The following EDA2R variants were observed in gnomAD, a reference collection of about 807,000 sequenced individuals.
EDA2R encodes the protein tumor necrosis factor receptor superfamily member 27.
A neutral mutation model predicts 20.1 loss-of-function variants in EDA2R; 26 were observed. That is an observed-to-expected ratio of 1.30 (90% CI 0.95 to 1.80). EDA2R has a LOEUF of 1.80. Among genes scored for constraint, EDA2R ranks in the 40% most tolerant of loss-of-function variants. The pLI is 0.00. For missense variants in EDA2R, 277 were observed against 228.7 expected (o/e 1.21, Z -1.36); for synonymous variants, 114 against 88.7 (o/e 1.29, Z -1.60).
intron 2 of EDA2R, among the ~76,000 whole-genome samples, chrX:66,612,967 C>G (rs1314344171): frequency 9.0e-6 from 1 of 111,044 alleles, no homozygotes; most frequent in African/African-American, 3.3e-5. Context: ...CATTGATATT[C>G]TTGATTTTGC....
In EDA2R at chrX:66,615,407, T is replaced by C. The variant is rs1028757180; in HGVS notation, c.87+527A>G. 2.7e-4 allele frequency among the ~76,000 whole-genome samples: 30 copies of C among 111,972 alleles called. 1 individual carries two copies. The highest frequency in any genetic ancestry group is 2.8e-4 in the Admixed American group (3 of 10,582). On this transcript the variant is annotated intron_variant, in intron 2 of 6. Transcript: ENST00000374719. Reference sequence around the variant, plus strand: ...CCTGAGGAAAGAACAATTAAGCAGATCCAGGCTTGAAACAAGTAAGTTACA... The same window carrying C: ...CCTGAGGAAAGAACAATTAAGCAGACCCAGGCTTGAAACAAGTAAGTTACA...
chrX:66,627,694 A>G (rs1410364637), intron 1 of EDA2R, among the ~76,000 whole-genome samples: 1 of 112,256 alleles, frequency 8.9e-6, no homozygotes, highest in Non-Finnish European at 1.9e-5. Context: ...GCGAACTTCA[A>G]TATTCTACTG....
intron 2 of EDA2R, among the ~76,000 whole-genome samples, chrX:66,613,141 G>T (rs1361540438): frequency 2.7e-5 from 3 of 111,283 alleles, no homozygotes; most frequent in Admixed American, 1.9e-4. Flanking sequence ...TAAATTTTAG[G>T]AATTTATTAA....
Position 66,599,746 on chromosome X carries a change from G to T in EDA2R, c.632C>A (p.Thr211Asn), listed in dbSNP as rs771310911. Residue 211 changes from threonine to asparagine, a missense_variant, in exon 6 of 7, where the codon ACC becomes AAC. By Grantham distance (65) the Thr-to-Asn change is moderately conservative. Coordinates refer to ENST00000374719, the MANE Select transcript of EDA2R (RefSeq NM_021783.5). ...CTCGAGGATAGGGTTAAGTGGCTGGGTCTGAAAGATGTTCTCACTCACTTG... is the reference window on the plus strand; with the variant it reads ...CTCGAGGATAGGGTTAAGTGGCTGGTTCTGAAAGATGTTCTCACTCACTTG... ...ESQVSENIFQ[T>N]QPLNPILEDD... 9 of 1,208,302 alleles carry T rather than the reference G, an allele frequency of 7.4e-6. No individual in the cohort carries two copies. The East Asian group carries it at 2.7e-4, about 36-fold the overall frequency.
At chrX:66,639,108 C>T (rs1251241003), upstream of EDA2R, 3 of 88,510 alleles carry the variant, frequency 3.4e-5, no homozygotes, top group East Asian at 7.6e-4. Context: ...CCGCCCTTCA[C>T]CCCGCGCCCC....
intron 2 of EDA2R, among the ~76,000 whole-genome samples, chrX:66,614,548 C>G (rs914337137): frequency 8.9e-6 from 1 of 112,070 alleles, no homozygotes; most frequent in African/African-American, 3.2e-5. Flanking sequence ...TAATGTCCAG[C>G]ATGACCTTAC....
chrX:66,604,334 T>G, intron 4 of EDA2R, 87 bp downstream of exon 4: 3 of 815,477 alleles, frequency 3.7e-6, no homozygotes, highest in Non-Finnish European at 5.3e-6. Flanking sequence ...TGAAAAGGTA[T>G]GAGGGGATAT....
intron 1 of EDA2R, among the ~76,000 whole-genome samples, chrX:66,633,279 T>C (rs950906046): frequency 8.9e-6 from 1 of 111,998 alleles, no homozygotes; most frequent in African/African-American, 3.2e-5. Flanking sequence ...TTGGTTAGTG[T>C]TTGGCAACTG....
chrX:66,628,500 G>A (rs1354360194), intron 1 of EDA2R, among the ~76,000 whole-genome samples: 1 of 110,837 alleles, frequency 9.0e-6, no homozygotes, highest in African/African-American at 3.3e-5. Flanking sequence ...GAAACAAAAT[G>A]GGAGACATTA....
chrX:66,605,595 C>A (rs1929531306), intron 2 of EDA2R, among the ~76,000 whole-genome samples: 2 of 111,936 alleles, frequency 1.8e-5, no homozygotes, highest in Non-Finnish European at 3.8e-5. Flanking sequence ...ACATCATCCT[C>A]AATGGGGTAC....
rs930808121 is a variant in EDA2R, at chrX:66,601,129, C to G, written c.518-1269G>C. 8.0e-5 allele frequency among the ~76,000 whole-genome samples: 9 copies of G among 112,161 alleles called. 1 individual carries two copies. In the Admixed American group the frequency reaches 8.5e-4, roughly 11 times the overall value. On this transcript the variant is annotated intron_variant, in intron 5 of 6. Transcript: ENST00000374719. Reference sequence around the variant, plus strand: ...AGCCCTTATAAAAACAGTGAGGAAACTGCCTGCCCTCATATTCCAAGCAGG... The same window carrying G: ...AGCCCTTATAAAAACAGTGAGGAAAGTGCCTGCCCTCATATTCCAAGCAGG...
chrX:66,629,859 C>A (rs1164867384), intron 1 of EDA2R, among the ~76,000 whole-genome samples: 6 of 110,968 alleles, frequency 5.4e-5, no homozygotes, highest in African/African-American at 2.0e-4. Flanking sequence ...TCATGTGGAA[C>A]CAAAAAAGAG....
Position 66,597,130 on chromosome X carries a change from G to A in EDA2R, c.*974C>T, listed in dbSNP as rs192704630. Reference sequence around the variant, plus strand: ...AAACCACTTAATAGTTGTGGGACAGGAACTAGCTGTACAAGTTTCAGACAG... The same window carrying A: ...AAACCACTTAATAGTTGTGGGACAGAAACTAGCTGTACAAGTTTCAGACAG... On this transcript the variant is annotated 3_prime_UTR_variant, in exon 7 of 7. Transcript: ENST00000374719. The A allele has an allele frequency of 8.0e-5, 9 of 113,098 alleles. No individual in the cohort carries two copies. The East Asian group carries it at 2.5e-3, about 31-fold the overall frequency. 9.3% of individuals were successfully genotyped at this position (113,098 alleles called of 1,213,427 possible). A position where few individuals can be genotyped will look rare whatever the true frequency, so the allele number is the denominator to read the frequency against.
chrX:66,604,655 T>C, intron 3 of EDA2R, 149 bp from the exon 4 acceptor site: 1 of 495,805 alleles, frequency 2.0e-6, no homozygotes, highest in South Asian at 4.0e-5. Context: ...CTGTGTCTTT[T>C]TCTGACTCAG....
chrX:66,626,890 G>A (rs1933150756), intron 1 of EDA2R, among the ~76,000 whole-genome samples: 1 of 108,990 alleles, frequency 9.2e-6, no homozygotes, highest in Non-Finnish European at 1.9e-5. Flanking sequence ...AACCCACCAA[G>A]GAAAACCCAT....
intron 1 of EDA2R, among the ~76,000 whole-genome samples, chrX:66,620,299 C>T (rs1240154353): frequency 1.8e-5 from 2 of 111,408 alleles, no homozygotes; most frequent in Non-Finnish European, 3.8e-5. Flanking sequence ...AGTTGCTATA[C>T]TATGGTCAAT....
At chrX:66,609,768 A>C (rs1018857505) in intron 2 of EDA2R, among the ~76,000 whole-genome samples, 4 of 112,151 alleles carry the variant, frequency 3.6e-5, no homozygotes, top group Non-Finnish European at 7.5e-5. Context: ...TGACCAAATG[A>C]ACAAAAGGAA....
chrX:66,604,545 C>A (rs1569227895), intron 3 of EDA2R, 39 bp from the exon 4 acceptor site: 1 of 1,139,970 alleles, frequency 8.8e-7, no homozygotes, highest in African/African-American at 1.8e-5. Flanking sequence ...GGTGATCAAA[C>A]AAGCAATGCA....
intron 2 of EDA2R, among the ~76,000 whole-genome samples, chrX:66,611,675 G>T (rs1028219565): frequency 9.0e-6 from 1 of 110,691 alleles, no homozygotes; most frequent in African/African-American, 3.3e-5. Flanking sequence ...AATGAACAAA[G>T]CCTCAAGAAC....
Sources: gnomAD v4.1 joint callset for allele counts (sites outside exome capture counted in the v4.1 genomes callset) on GRCh38, gnomAD v4.1.1 for gene constraint, MANE v1.5 for transcripts, NCBI Gene and HGNC (gene_info 2026-07-23, HGNC 2026-07-21) for gene names.